The following RNF115 variants were observed in gnomAD, a reference collection of about 807,000 sequenced individuals.
The protein encoded by RNF115 is E3 ubiquitin-protein ligase RNF115.
A neutral mutation model predicts 39.2 loss-of-function variants in RNF115; 31 were observed. That is an observed-to-expected ratio of 0.79 (90% CI 0.59 to 1.07). RNF115 has a LOEUF of 1.07. Among genes scored for constraint, RNF115 ranks in the 50% least tolerant of loss-of-function variants. RNF115 has a pLI of 0.00. For missense variants in RNF115, 384 were observed against 381.7 expected (o/e 1.01, Z -0.05); for synonymous variants, 124 against 131.0 (o/e 0.95, Z 0.37).
chr1:145,763,936 TC>T (rs1658638929), intron 4 of RNF115, among the ~76,000 whole-genome samples: 12 of 109,860 alleles, frequency 1.1e-4, no homozygotes, highest in Non-Finnish European at 1.9e-4. Flanking sequence ...CCTCTCCCTC[TC>T]TTGCCATGGT....
intron 1 of RNF115, among the ~76,000 whole-genome samples, chr1:145,802,467 G>C (rs1553721006): frequency 2.6e-5 from 4 of 152,098 alleles, no homozygotes; most frequent in African/African-American, 9.7e-5. Context: ...TACAAATTCA[G>C]ACCTATTTAT....
chr1:145,773,776 CTTA>C (rs1238448899), intron 3 of RNF115: 1 of 151,564 alleles, frequency 6.6e-6, no homozygotes, highest in East Asian at 1.9e-4. Context: ...CTTTCAATAT[CTTA>C]TTGTTTGCCC....
intron 3 of RNF115, among the ~76,000 whole-genome samples, chr1:145,776,888 T>C (rs1647912548): frequency 6.6e-6 from 1 of 152,212 alleles, no homozygotes; most frequent in African/African-American, 2.4e-5. Flanking sequence ...CTTTTCATTT[T>C]AACTGCCATT....
chr1:145,765,500 C>G (rs1414633171), intron 4 of RNF115, among the ~76,000 whole-genome samples: 1 of 151,896 alleles, frequency 6.6e-6, no homozygotes, highest in Non-Finnish European at 1.5e-5. Flanking sequence ...GATGGAATTT[C>G]TCTTAAAGAT....
Position 145,794,908 on chromosome 1 carries a change from T to G in RNF115, c.103-5942A>C, listed in dbSNP as rs145718880. Reference sequence around the variant, plus strand: ...GGCGGGCGCCTGTAGTCCCAGCTACTGGGAAGGCTGAAGCAGGAGAATGGT... The same window carrying G: ...GGCGGGCGCCTGTAGTCCCAGCTACGGGGAAGGCTGAAGCAGGAGAATGGT... On this transcript the variant is annotated intron_variant, in intron 1 of 8. Transcript: ENST00000582693. Among the ~76,000 whole-genome samples the G allele has an allele frequency of 2.0e-5, 3 of 146,802 alleles. 1 individual carries two copies. The South Asian group carries it at 6.4e-4, about 32-fold the overall frequency.
At chr1:145,802,932 C>T (rs587745606) in intron 1 of RNF115, among the ~76,000 whole-genome samples, 1 of 152,268 alleles carries the variant, frequency 6.6e-6, no homozygotes, top group South Asian at 2.1e-4. Context: ...TATACATCCT[C>T]CTCCCTTTTC....
At chr1:145,769,844 C>A (rs1366739504) in intron 4 of RNF115, among the ~76,000 whole-genome samples, 1 of 151,108 alleles carries the variant, frequency 6.6e-6, no homozygotes, top group Admixed American at 6.6e-5. Context: ...TAGTCTCTAC[C>A]AAAAATTGAA....
chr1:145,795,760 T>G (rs1240090905), intron 1 of RNF115, among the ~76,000 whole-genome samples: 1 of 152,182 alleles, frequency 6.6e-6, no homozygotes, highest in Non-Finnish European at 1.5e-5. Context: ...CTCCTTCCAT[T>G]TATAAGCGAC....
rs1553715810 is a variant in RNF115 at position 145,771,808 on chromosome 1, T to C, written c.331A>G (p.Thr111Ala). ...RANERGHQTH[T>A]DFWGARPPRL... ...GGAGGTCTTGCTCCCCAGAAGTCAG[T>C]GTGAGTCTGGTGACCCCTTTCATTG... Residue 111 changes from threonine to alanine, a missense_variant, in exon 4 of 9, where the codon ACT becomes GCT. Coordinates refer to ENST00000582693, the MANE Select transcript of RNF115 (RefSeq NM_014455.4). 3 of 1,614,062 alleles carry C rather than the reference T, an allele frequency of 1.9e-6. No individual in the cohort carries two copies. The highest frequency in any genetic ancestry group is 1.1e-5 in the South Asian group (1 of 91,080).
chr1:145,800,490 T>C (rs1553720733), intron 1 of RNF115, among the ~76,000 whole-genome samples: 1 of 152,180 alleles, frequency 6.6e-6, no homozygotes, highest in Admixed American at 6.5e-5. Context: ...CTGTGACTTC[T>C]TTAATAGATA....
chr1:145,808,592 A>C (rs1266115747), intron 1 of RNF115, among the ~76,000 whole-genome samples: 1 of 152,230 alleles, frequency 6.6e-6, no homozygotes, highest in Admixed American at 6.5e-5. Flanking sequence ...CAAGACTAGC[A>C]GTGAAAATTA....
chr1:145,781,430 A>G (rs1162024547), intron 3 of RNF115, among the ~76,000 whole-genome samples: 2 of 152,042 alleles, frequency 1.3e-5, no homozygotes, highest in Non-Finnish European at 2.9e-5. Flanking sequence ...TGAGCATAAA[A>G]CCTTATAGCT....
At chr1:145,747,115 C>T (rs927280337) in intron 8 of RNF115, 118 bp from the exon 9 acceptor site, 5 of 1,066,760 alleles carry the variant, frequency 4.7e-6, no homozygotes, top group Admixed American at 4.4e-5. Context: ...AACAGAAAAA[C>T]AATAGAGAAT....
chr1:145,767,419 G>A (rs1204627995), intron 4 of RNF115, among the ~76,000 whole-genome samples: 1 of 151,860 alleles, frequency 6.6e-6, no homozygotes, highest in Non-Finnish European at 1.5e-5. Flanking sequence ...ATGATGGGCG[G>A]CCGGGCAGAG....
chr1:145,798,308 A>C (rs141481908), intron 1 of RNF115, among the ~76,000 whole-genome samples: 2 of 152,264 alleles, frequency 1.3e-5, no homozygotes, highest in South Asian at 4.1e-4. Flanking sequence ...TTTAGGTCTT[A>C]TATTTAGGTC....
chr1:145,797,389 A>G (rs1553720265), intron 1 of RNF115, among the ~76,000 whole-genome samples: 1 of 152,208 alleles, frequency 6.6e-6, no homozygotes, highest in East Asian at 1.9e-4. Context: ...AATAATACCT[A>G]ATATAAGTGA....
intron 1 of RNF115, among the ~76,000 whole-genome samples, chr1:145,790,044 A>C (rs1459962241): frequency 2.0e-5 from 3 of 152,132 alleles, no homozygotes; most frequent in Non-Finnish European, 4.4e-5. Context: ...AGAATTCCAT[A>C]AAATATTTGC....
At chr1:145,798,797 C>A (rs1553720444) in intron 1 of RNF115, among the ~76,000 whole-genome samples, 1 of 152,158 alleles carries the variant, frequency 6.6e-6, no homozygotes, top group Non-Finnish European at 1.5e-5. Context: ...TCCATGAACA[C>A]AGGATGTCTT....
At chr1:145,750,008 AT>A (rs1265985003) in intron 7 of RNF115, among the ~76,000 whole-genome samples, 2 of 152,068 alleles carry the variant, frequency 1.3e-5, no homozygotes, top group African/African-American at 4.8e-5. Flanking sequence ...CTCCCAGCCT[AT>A]TTTTTTCTTC....
Sources: gnomAD v4.1 joint callset for allele counts (sites outside exome capture counted in the v4.1 genomes callset) on GRCh38, gnomAD v4.1.1 for gene constraint, MANE v1.5 for transcripts, NCBI Gene and HGNC (gene_info 2026-07-23, HGNC 2026-07-21) for gene names.